The following C1QTNF7 variants were observed in gnomAD, a reference collection of about 807,000 sequenced individuals.
The protein encoded by C1QTNF7 is C1q and TNF related 7.
Under a neutral mutation model 19.6 loss-of-function variants are expected in C1QTNF7, and 15 were observed. That is an observed-to-expected ratio of 0.76 (90% CI 0.51 to 1.18). The LOEUF is 1.18. Among genes scored for constraint, C1QTNF7 ranks in the 50% most tolerant of loss-of-function variants. The probability of loss-of-function intolerance (pLI) is 0.00; values close to 1 mark genes in which losing one functional copy is unlikely to be tolerated. For synonymous variants in C1QTNF7, 142 were observed against 137.5 expected (o/e 1.03, Z -0.23); for missense variants, 324 against 359.7 (o/e 0.90, Z 0.80).
At chr4:15,433,443 G>A (rs1390712707) in intron 1 of C1QTNF7, among the ~76,000 whole-genome samples, 1 of 152,006 alleles carries the variant, frequency 6.6e-6, no homozygotes, top group Non-Finnish European at 1.5e-5. Flanking sequence ...ACTTGAACAC[G>A]TTCCCTCCCA....
intron 1 of C1QTNF7, among the ~76,000 whole-genome samples, chr4:15,384,633 G>T (rs540304086): frequency 6.6e-6 from 1 of 152,312 alleles, no homozygotes; most frequent in East Asian, 1.9e-4. Context: ...TATAGAAATG[G>T]TTCAAGACAT....
At chr4:15,412,311 C>T (rs1275830758) in intron 1 of C1QTNF7, among the ~76,000 whole-genome samples, 11 of 151,976 alleles carry the variant, frequency 7.2e-5, no homozygotes, top group African/African-American at 1.9e-4. Context: ...TCATCCTAAA[C>T]CATCTCCCAC....
chr4:15,416,438 C>A (rs188746262), intron 1 of C1QTNF7, among the ~76,000 whole-genome samples: 1 of 152,168 alleles, frequency 6.6e-6, no homozygotes, highest in Non-Finnish European at 1.5e-5. Flanking sequence ...ATTTCCTCCA[C>A]TACAAAGTGC....
At chr4:15,377,616 C>T (rs1341657697) in intron 1 of C1QTNF7, among the ~76,000 whole-genome samples, 1 of 152,112 alleles carries the variant, frequency 6.6e-6, no homozygotes, top group East Asian at 1.9e-4. Context: ...AGATATAAGC[C>T]AACAGGGGAT....
At chr4:15,381,523 A>T (rs1577246985) in intron 1 of C1QTNF7, among the ~76,000 whole-genome samples, 1 of 152,286 alleles carries the variant, frequency 6.6e-6, no homozygotes, top group East Asian at 1.9e-4. Context: ...TGGGAAAAAC[A>T]TGAGTTTGGG....
chr4:15,397,416 T>C (rs1009200999), intron 1 of C1QTNF7, among the ~76,000 whole-genome samples: 1 of 152,336 alleles, frequency 6.6e-6, no homozygotes, highest in Admixed American at 6.5e-5. Context: ...TCAGGGCTCC[T>C]CTGTCTGAGT....
At position 15,442,631 on chromosome 4, in the gene C1QTNF7, C is replaced by T; in HGVS notation, c.702C>T (p.Ser234=). The T allele has an allele frequency of 1.9e-6, 3 of 1,614,198 alleles. No homozygotes were observed. The highest frequency in any genetic ancestry group is 2.5e-6 in the Non-Finnish European group (3 of 1,180,044). The change falls in exon 3 of 3, where the codon TCC becomes TCT. Residue 234 remains serine (S), a synonymous_variant. Transcript: ENST00000444304. The part of the protein sequence containing the change: ...NTGNHDVASG[S]TVIYLQPEDE... ...GAAACCATGATGTGGCTTCGGGGTC[C>T]ACAGTCATCTATCTGCAGCCAGAAG...
intron 1 of C1QTNF7, among the ~76,000 whole-genome samples, chr4:15,409,349 A>AT (rs899648905): frequency 1.1e-4 from 16 of 152,214 alleles, no homozygotes; most frequent in African/African-American, 3.6e-4. Flanking sequence ...AAAAATCGAG[A>AT]TTTTCAAGGC....
chr4:15,367,292 A>G (rs1717561185), intron 1 of C1QTNF7, among the ~76,000 whole-genome samples: 1 of 152,226 alleles, frequency 6.6e-6, no homozygotes, highest in Non-Finnish European at 1.5e-5. Context: ...ATTAGGTGCT[A>G]AAGTTCTAAA....
intron 1 of C1QTNF7, 22 bp from the exon 2 acceptor site, chr4:15,435,714 C>T (rs770497139): frequency 1.9e-6 from 3 of 1,613,210 alleles, no homozygotes; most frequent in East Asian, 2.2e-5. Flanking sequence ...AGTTCATTTA[C>T]GTCTGTGTGT....
At chr4:15,342,102 G>T (rs1048760682) in intron 1 of C1QTNF7, among the ~76,000 whole-genome samples, 1 of 152,224 alleles carries the variant, frequency 6.6e-6, no homozygotes, top group African/African-American at 2.4e-5. Flanking sequence ...ATGAAACCTG[G>T]ACAGAGCCCT....
intron 1 of C1QTNF7, among the ~76,000 whole-genome samples, chr4:15,397,657 A>C (rs927464418): frequency 2.0e-5 from 3 of 152,210 alleles, no homozygotes; most frequent in Non-Finnish European, 4.4e-5. Flanking sequence ...AGACAAGAAG[A>C]CCACAACTCT....
At chr4:15,433,256 A>G (rs1023083461) in intron 1 of C1QTNF7, among the ~76,000 whole-genome samples, 1 of 151,900 alleles carries the variant, frequency 6.6e-6, no homozygotes, top group Non-Finnish European at 1.5e-5. Context: ...GGGCTCAAGT[A>G]ATCCTTCCAC....
intron 1 of C1QTNF7, among the ~76,000 whole-genome samples, chr4:15,362,916 A>C (rs1717392983): frequency 6.6e-6 from 1 of 152,180 alleles, no homozygotes; most frequent in African/African-American, 2.4e-5. Context: ...AAGTATCATC[A>C]TCATTATCAT....
intron 1 of C1QTNF7, among the ~76,000 whole-genome samples, chr4:15,402,930 T>C (rs912123068): frequency 6.6e-6 from 1 of 152,048 alleles, no homozygotes; most frequent in African/African-American, 2.4e-5. Context: ...GTTCATCAAA[T>C]GTTGGCAAAA....
chr4:15,432,930 A>G (rs1712377940), intron 1 of C1QTNF7, among the ~76,000 whole-genome samples: 1 of 151,990 alleles, frequency 6.6e-6, no homozygotes, highest in African/African-American at 2.4e-5. Flanking sequence ...GTTTCTTCCA[A>G]TCACATCTTT....
At chr4:15,352,108 T>C (rs1716960470) in intron 1 of C1QTNF7, among the ~76,000 whole-genome samples, 1 of 152,142 alleles carries the variant, frequency 6.6e-6, no homozygotes. Context: ...TCTTGATGAG[T>C]TCAGATTCAT....
At chr4:15,370,112 T>G (rs1053226699) in intron 1 of C1QTNF7, among the ~76,000 whole-genome samples, 6 of 152,204 alleles carry the variant, frequency 3.9e-5, no homozygotes, top group African/African-American at 1.2e-4. Flanking sequence ...AATTCTATGA[T>G]TATTATAGTG....
intron 1 of C1QTNF7, among the ~76,000 whole-genome samples, chr4:15,362,205 A>C (rs2109299695): frequency 6.6e-6 from 1 of 152,186 alleles, no homozygotes; most frequent in East Asian, 1.9e-4. Context: ...AAATGTCTAC[A>C]CTCTTATTTC....
Sources: gnomAD v4.1 joint callset for allele counts (sites outside exome capture counted in the v4.1 genomes callset) on GRCh38, gnomAD v4.1.1 for gene constraint, MANE v1.5 for transcripts, NCBI Gene and HGNC (gene_info 2026-07-23, HGNC 2026-07-21) for gene names.